NSD2: variants seen among roughly 807,000 people sequenced by gnomAD.
NSD2 encodes histone-lysine N-methyltransferase NSD2.
In NSD2, 12 loss-of-function variants were observed where a neutral mutation model predicts 139.0. That is an observed-to-expected ratio of 0.09 (90% CI 0.06 to 0.14). NSD2 has a LOEUF of 0.14. NSD2 is among the 10% of genes least tolerant of loss of function. NSD2 has a pLI of 1.00. For missense variants in NSD2, 1,155 were observed against 1,745.0 expected (o/e 0.66, Z 6.02); for synonymous variants, 669 against 648.7 (o/e 1.03, Z -0.48).
intron 1 of NSD2, among the ~76,000 whole-genome samples, chr4:1,880,541 G>T (rs968255155): frequency 6.6e-6 from 1 of 151,532 alleles, no homozygotes; most frequent in African/African-American, 2.4e-5. Context: ...TTATAGGCCT[G>T]TAATGGGATG....
At chr4:1,929,768 G>C (rs1278159412) in intron 5 of NSD2, among the ~76,000 whole-genome samples, 1 of 152,170 alleles carries the variant, frequency 6.6e-6, no homozygotes, top group African/African-American at 2.4e-5. Flanking sequence ...CCTGTGCCCT[G>C]CTCTCGAGAT....
intron 1 of NSD2, among the ~76,000 whole-genome samples, chr4:1,895,003 T>G (rs956280893): frequency 6.6e-6 from 1 of 152,200 alleles, no homozygotes; most frequent in Non-Finnish European, 1.5e-5. Context: ...TATTCTATTC[T>G]GGGGACCTCA....
chr4:1,935,585 T>G (rs529006758), intron 7 of NSD2, among the ~76,000 whole-genome samples: 29 of 152,212 alleles, frequency 1.9e-4, no homozygotes, highest in African/African-American at 7.0e-4. Flanking sequence ...TTTGGCCGGG[T>G]GTGGTGGCTT....
intron 9 of NSD2, chr4:1,945,845 GATGAAAAA>G: frequency 9.4e-7 from 1 of 1,062,402 alleles, no homozygotes; most frequent in Non-Finnish European, 1.1e-6. Context: ...GATAGCGGTA[GATGAAAAA>G]TAAGGTCGTT....
At chr4:1,915,474 C>G (rs919976363) in intron 3 of NSD2, among the ~76,000 whole-genome samples, 1 of 152,072 alleles carries the variant, frequency 6.6e-6, no homozygotes, top group Non-Finnish European at 1.5e-5. Flanking sequence ...TTTCTGTGTT[C>G]TCTTTTCATA....
At position 1,955,132 on chromosome 4, in the gene NSD2, G is replaced by A. The variant is rs745865096; in HGVS notation, c.2339-29G>A. ...ACTATGACTGGAGTCAGTGTTTGGGGTCCTTAGGGTGTGTTTCTTTGCCTT... is the reference window on the plus strand; with the variant it reads ...ACTATGACTGGAGTCAGTGTTTGGGATCCTTAGGGTGTGTTTCTTTGCCTT... On this transcript the variant is annotated intron_variant, in intron 12 of 21. Transcript: ENST00000508803. The surrounding 1 kb of genome is among the most constrained non-coding windows in gnomAD (Gnocchi z 4.7). The A allele has an allele frequency of 3.2e-6, 5 of 1,581,280 alleles. No homozygotes were observed. The highest frequency in any genetic ancestry group is 2.2e-5 in the South Asian group (2 of 89,576).
intron 5 of NSD2, among the ~76,000 whole-genome samples, chr4:1,924,600 T>C (rs1720603116): frequency 1.3e-5 from 2 of 151,968 alleles, no homozygotes; most frequent in African/African-American, 4.8e-5. Context: ...AAAACCAAAC[T>C]GAAGGTATAC....
intron 1 of NSD2, among the ~76,000 whole-genome samples, chr4:1,899,698 G>T (rs1437549889): frequency 6.6e-6 from 1 of 152,200 alleles, no homozygotes; most frequent in Non-Finnish European, 1.5e-5. Context: ...AGATGTCTCA[G>T]ATTAGGGACT....
chr4:1,980,996 T>C lies in NSD2; in HGVS notation c.*2087T>C, dbSNP rs1727704755. ...GCCCCGCTGTCACTTGCCCAAAAGA[T>C]CCCTTCCGGCAGGTAAGGGACTACC... On this transcript the variant is annotated 3_prime_UTR_variant, in exon 22 of 22. Transcript: ENST00000508803. 1 of 233,102 alleles carries C rather than the reference T, an allele frequency of 4.3e-6. No homozygotes were observed. Among genetic ancestry groups the C allele is most frequent in the Admixed American group, 5.6e-5 (1 of 17,772 alleles). 14.4% of individuals were successfully genotyped at this position (233,102 alleles called of 1,614,324 possible). A position where few individuals can be genotyped will look rare whatever the true frequency, so the allele number is the denominator to read the frequency against.
At chr4:1,922,524 C>G (rs984295113) in intron 5 of NSD2, among the ~76,000 whole-genome samples, 1 of 152,134 alleles carries the variant, frequency 6.6e-6, no homozygotes, top group South Asian at 2.1e-4. Flanking sequence ...ATAAAACTTC[C>G]AACAGGAATT....
Position 1,955,616 on chromosome 4 carries a change from G to A in NSD2, c.2519-77G>A. On this transcript the variant is annotated intron_variant, in intron 13 of 21. Transcript: ENST00000508803. The surrounding 1 kb of genome is among the most constrained non-coding windows in gnomAD (Gnocchi z 4.7). ...TTTATAAGTTAAGGCTGTAATAAGT[G>A]TAGACTGTGAAGCACTGAATCTGGG... 3 of 1,487,050 alleles carry A rather than the reference G, an allele frequency of 2.0e-6. No individual in the cohort carries two copies. The highest frequency in any genetic ancestry group is 4.9e-5 in the East Asian group (2 of 41,072). The allele number at this position is 1,487,050 out of a possible 1,614,324, so 92.1% of individuals were successfully genotyped here.
intron 1 of NSD2, among the ~76,000 whole-genome samples, chr4:1,877,874 C>T (rs1421873680): frequency 6.6e-6 from 1 of 152,138 alleles, no homozygotes; most frequent in Non-Finnish European, 1.5e-5. Context: ...TTAAAGTACT[C>T]TGTTGTGACC....
chr4:1,889,830 A>G (rs1450689201), intron 1 of NSD2, among the ~76,000 whole-genome samples: 2 of 151,134 alleles, frequency 1.3e-5, no homozygotes, highest in Non-Finnish European at 2.9e-5. Flanking sequence ...TTTAATTGAG[A>G]TAAAATTCAC....
intron 21 of NSD2, among the ~76,000 whole-genome samples, chr4:1,977,040 C>G (rs1290204968): frequency 2.0e-5 from 3 of 152,250 alleles, no homozygotes; most frequent in Non-Finnish European, 4.4e-5. Context: ...GGAGAAAGGC[C>G]TCTACAACAG....
chr4:1,903,673 T>C (rs1488771791), intron 2 of NSD2, among the ~76,000 whole-genome samples: 1 of 152,134 alleles, frequency 6.6e-6, no homozygotes, highest in Non-Finnish European at 1.5e-5. Flanking sequence ...CTTCAAAATG[T>C]TGAACACCTG....
intron 3 of NSD2, among the ~76,000 whole-genome samples, chr4:1,910,974 CT>C (rs1400083333): frequency 1.3e-5 from 2 of 151,976 alleles, no homozygotes; most frequent in African/African-American, 4.8e-5. Flanking sequence ...GACACCTGGC[CT>C]TGTCTGCATC....
chr4:1,953,562 A>G (rs1182908125), intron 12 of NSD2, 38 bp downstream of exon 12: 9 of 1,565,886 alleles, frequency 5.7e-6, no homozygotes, highest in Non-Finnish European at 7.8e-6. Context: ...GTGGGTTCAG[A>G]TGCAGGCCAG....
Position 1,925,772 on chromosome 4 carries a change from ATTT to A in NSD2, c.1411-4847_1411-4845del, listed in dbSNP as rs564472093. ...CTTCTTTTTATATATCTATATATAT[ATTT>A]TTTTTTGTTTGTTTGTTTGTTTGTT... On this transcript the variant is annotated intron_variant, in intron 5 of 21. Transcript: ENST00000508803. Among the ~76,000 whole-genome samples the A allele has an allele frequency of 1.8e-3, 265 of 148,954 alleles. 1 individual carries two copies. Among genetic ancestry groups the A allele is most frequent in the African/African-American group, 6.4e-3 (253 of 39,468 alleles).
intron 9 of NSD2, among the ~76,000 whole-genome samples, chr4:1,949,194 C>T (rs768239278): frequency 1.3e-5 from 2 of 152,206 alleles, no homozygotes; most frequent in Admixed American, 1.3e-4. Flanking sequence ...CGTCAAGTGG[C>T]CCTTTGTGGG....
Sources: allele counts gnomAD v4.1 joint callset (sites outside exome capture counted in the v4.1 genomes callset), GRCh38; gene constraint gnomAD v4.1.1; non-coding constraint Gnocchi (gnomAD v3.1); transcripts MANE v1.5; gene names NCBI Gene and HGNC (gene_info 2026-07-23, HGNC 2026-07-21).